CREB5: variants seen among roughly 807,000 people sequenced by gnomAD.
The protein encoded by CREB5 is cAMP responsive element binding protein 5, also known as cyclic AMP-responsive element-binding protein 5.
A neutral mutation model predicts 57.1 loss-of-function variants in CREB5; 19 were observed. That is an observed-to-expected ratio of 0.33 (90% confidence interval 0.23 to 0.49). The LOEUF (loss-of-function observed/expected upper bound fraction) is 0.49. CREB5 is among the 20% of genes least tolerant of loss of function. The pLI, the probability that CREB5 is intolerant of heterozygous loss-of-function variation, is 0.99. For synonymous variants in CREB5, 238 were observed against 238.3 expected (o/e 1.00, Z 0.01); for missense variants, 579 against 671.6 (o/e 0.86, Z 1.52).
intron 4 of CREB5, among the ~76,000 whole-genome samples, chr7:28,516,013 G>C (rs1018512342): frequency 2.6e-5 from 4 of 151,870 alleles, no homozygotes; most frequent in Admixed American, 6.6e-5. Flanking sequence ...TTTAAGATTA[G>C]CCTTGGCAAC....
chr7:28,733,738 T>G (rs1021945855), intron 7 of CREB5, among the ~76,000 whole-genome samples: 1 of 152,114 alleles, frequency 6.6e-6, no homozygotes, highest in African/African-American at 2.4e-5. Context: ...TTGATTCAGC[T>G]CCGTGTCCCC....
intron 1 of CREB5, among the ~76,000 whole-genome samples, chr7:28,462,058 G>C (rs921209014): frequency 7.9e-5 from 12 of 151,994 alleles, no homozygotes; most frequent in African/African-American, 2.9e-4. Context: ...GTATCAATTA[G>C]CAGTCACTCC....
chr7:28,637,481 A>T (rs1032255441), intron 5 of CREB5, among the ~76,000 whole-genome samples: 1 of 152,226 alleles, frequency 6.6e-6, no homozygotes, highest in Admixed American at 6.5e-5. Context: ...ATGACTGTCA[A>T]TGTGAAAGAA....
intron 5 of CREB5, among the ~76,000 whole-genome samples, chr7:28,664,432 T>C (rs1465506500): frequency 6.6e-6 from 1 of 152,198 alleles, no homozygotes; most frequent in Non-Finnish European, 1.5e-5. Flanking sequence ...TTTTCCTTCT[T>C]TCTCTCCTTT....
intron 1 of CREB5, among the ~76,000 whole-genome samples, chr7:28,404,782 C>T (rs1365392647): frequency 1.3e-5 from 2 of 152,186 alleles, no homozygotes; most frequent in African/African-American, 4.8e-5. Context: ...TTTTCCTACT[C>T]ACTGCCAATC....
At chr7:28,496,953 T>C (rs1023592968) in intron 3 of CREB5, among the ~76,000 whole-genome samples, 1 of 152,246 alleles carries the variant, frequency 6.6e-6, no homozygotes, top group Non-Finnish European at 1.5e-5. Context: ...CGTTATGTTC[T>C]ATAGAGTCAA....
chr7:28,753,810 C>A (rs1055627850), intron 7 of CREB5, among the ~76,000 whole-genome samples: 4 of 151,992 alleles, frequency 2.6e-5, no homozygotes, highest in Admixed American at 6.5e-5. Flanking sequence ...CAATATCTAG[C>A]TTTTCCATGG....
At chr7:28,582,014 C>T (rs1434378671) in intron 5 of CREB5, among the ~76,000 whole-genome samples, 2 of 152,074 alleles carry the variant, frequency 1.3e-5, no homozygotes, top group African/African-American at 2.4e-5. Context: ...TGCCCCTGTA[C>T]GAATAAGAAG....
At chr7:28,759,130 A>G (rs1805505746) in intron 7 of CREB5, among the ~76,000 whole-genome samples, 1 of 152,236 alleles carries the variant, frequency 6.6e-6, no homozygotes, top group Admixed American at 6.5e-5. Context: ...GCACGCAGAC[A>G]CATATTTTTT....
At chr7:28,497,423 T>C (rs217495) in intron 3 of CREB5, among the ~76,000 whole-genome samples, 111,103 of 152,150 alleles carry the variant, frequency 0.73, 41,136 homozygotes, top group African/African-American at 0.82. Context: ...GGAAAAGTAA[T>C]TCTAATTTTT....
chr7:28,507,576 A>G (rs1300360267), intron 3 of CREB5, 40 bp from the exon 4 acceptor site: 6 of 1,565,636 alleles, frequency 3.8e-6, no homozygotes, highest in Non-Finnish European at 5.2e-6. Flanking sequence ...GGCTTTTGAG[A>G]AAAAAGACCC....
At chr7:28,660,453 A>AAG (rs1328255167) in intron 5 of CREB5, among the ~76,000 whole-genome samples, 1 of 144,388 alleles carries the variant, frequency 6.9e-6, no homozygotes, top group East Asian at 2.1e-4. Flanking sequence ...ATACAACGGT[A>AAG]AGCAAAAGCA....
intron 7 of CREB5, among the ~76,000 whole-genome samples, chr7:28,801,787 C>G (rs980488428): frequency 6.6e-6 from 1 of 152,084 alleles, no homozygotes; most frequent in Non-Finnish European, 1.5e-5. Context: ...GTTCACTTTT[C>G]TGTTTAGAAG....
intron 1 of CREB5, among the ~76,000 whole-genome samples, chr7:28,378,964 T>C (rs1268389249): frequency 6.6e-6 from 1 of 152,184 alleles, no homozygotes; most frequent in Non-Finnish European, 1.5e-5. Flanking sequence ...GTGAAAGACT[T>C]ATTTGAGGAA....
chr7:28,632,172 C>G (rs747889568), intron 5 of CREB5, among the ~76,000 whole-genome samples: 1 of 152,174 alleles, frequency 6.6e-6, no homozygotes, highest in African/African-American at 2.4e-5. Context: ...AAGATAACAG[C>G]CTTTATCCCC....
At position 28,333,382 on chromosome 7, in the gene CREB5, C is replaced by G. The variant is rs995547811; in HGVS notation, c.-25+33941C>G. On this transcript the variant is annotated intron_variant, in intron 1 of 9. Transcript: ENST00000396299. ...CATATCCATCAACTCAAGCATTTAT[C>G]CTTTGTGTTAAAAACAATCCGATTA... 5.9e-5 allele frequency among the ~76,000 whole-genome samples: 9 copies of G among 152,262 alleles called. No individual in the cohort carries two copies. In the South Asian group the frequency reaches 1.7e-3, roughly 28 times the overall value.
chr7:28,575,172 A>G (rs1029950350), intron 5 of CREB5, among the ~76,000 whole-genome samples: 2 of 152,242 alleles, frequency 1.3e-5, no homozygotes, highest in African/African-American at 4.8e-5. Flanking sequence ...CAAACAAAGA[A>G]AAATAATAAT....
In CREB5 at chr7:28,479,450, C is replaced by T. The variant is rs117523030; in HGVS notation, c.4-8725C>T. Among the ~76,000 whole-genome samples, 717 of 152,298 alleles carry T rather than the reference C, an allele frequency of 4.7e-3. 3 individuals carry two copies. Among genetic ancestry groups the T allele is most frequent in the Middle Eastern group, 0.02 (6 of 294 alleles). On this transcript the variant is annotated intron_variant, in intron 1 of 10. Coordinates refer to ENST00000357727, the MANE Select transcript of CREB5 (RefSeq NM_182898.4). Reference sequence around the variant, plus strand: ...GCAGATGAAATGTGCCTTTTGCTAACATTTAGAAAGAGAACCTTGTTCGAA... The same window carrying T: ...GCAGATGAAATGTGCCTTTTGCTAATATTTAGAAAGAGAACCTTGTTCGAA...
At chr7:28,658,223 C>T (rs28620680) in intron 5 of CREB5, among the ~76,000 whole-genome samples, 40,167 of 152,000 alleles carry the variant, frequency 0.26, 5,481 homozygotes, top group Middle Eastern at 0.35. Context: ...CTCTCATGCA[C>T]GCCCCAGACT....
Sources: allele counts gnomAD v4.1 joint callset (sites outside exome capture counted in the v4.1 genomes callset), GRCh38; gene constraint gnomAD v4.1.1; transcripts MANE v1.5; gene names NCBI Gene and HGNC (gene_info 2026-07-23, HGNC 2026-07-21).